The following EYS variants were observed in gnomAD, a reference collection of about 807,000 sequenced individuals.
EYS encodes the protein protein eyes shut homolog.
In EYS, 250 loss-of-function variants were observed where a neutral mutation model predicts 282.1. The ratio of observed to expected loss-of-function variants is 0.89; its 90% CI spans 0.80 to 0.98. The LOEUF is 0.98. Ranked by LOEUF, EYS falls within the 50% of genes least tolerant of loss-of-function variation. EYS has a pLI of 0.00. For synonymous variants in EYS, 1,355 were observed against 1,282.9 expected (o/e 1.06, Z -1.20); for missense variants, 4,016 against 3,709.0 (o/e 1.08, Z -2.15).
chr6:64,792,493 C>A (rs1402906090), intron 22 of EYS, among the ~76,000 whole-genome samples: 1 of 151,792 alleles, frequency 6.6e-6, no homozygotes, highest in Non-Finnish European at 1.5e-5. Flanking sequence ...TAGTTGCTAC[C>A]TAAAGTTAAG....
At chr6:64,449,666 A>G (rs1321471719) in intron 26 of EYS, among the ~76,000 whole-genome samples, 1 of 152,200 alleles carries the variant, frequency 6.6e-6, no homozygotes, top group African/African-American at 2.4e-5. Flanking sequence ...TCTCCACAGA[A>G]ACTCTACAAG....
intron 29 of EYS, among the ~76,000 whole-genome samples, chr6:64,346,792 C>T (rs561056583): frequency 1.3e-5 from 2 of 151,308 alleles, no homozygotes; most frequent in South Asian, 4.2e-4. Flanking sequence ...TGGAGACTTC[C>T]GTTGATTGTA....
At chr6:64,728,501 A>T (rs1771839688) in intron 22 of EYS, among the ~76,000 whole-genome samples, 1 of 151,750 alleles carries the variant, frequency 6.6e-6, no homozygotes, top group African/African-American at 2.4e-5. Flanking sequence ...TGCCTGACTA[A>T]TTTTTTTGTA....
At chr6:64,191,476 T>TCCCCCCCCC (rs542212151) in intron 31 of EYS, among the ~76,000 whole-genome samples, 1 of 139,158 alleles carries the variant, frequency 7.2e-6, no homozygotes. Flanking sequence ...GTGCTATCCC[T>TCCCCCCCCC]TCCCCCCCCA....
At chr6:65,642,565 T>C (rs564145571) in intron 1 of EYS, among the ~76,000 whole-genome samples, 2 of 152,220 alleles carry the variant, frequency 1.3e-5, no homozygotes, top group African/African-American at 2.4e-5. Flanking sequence ...CCCAAAGGTG[T>C]ATTTATTAGG....
chr6:63,884,650 A>C (rs1049692434), intron 35 of EYS, among the ~76,000 whole-genome samples: 1 of 152,178 alleles, frequency 6.6e-6, no homozygotes, highest in Non-Finnish European at 1.5e-5. Flanking sequence ...AGACCTCTTT[A>C]GTGTCAAATT....
At chr6:64,004,211 T>G (rs561543829) in intron 33 of EYS, among the ~76,000 whole-genome samples, 1 of 152,308 alleles carries the variant, frequency 6.6e-6, no homozygotes, top group Admixed American at 6.5e-5. Context: ...TCTTCAACTG[T>G]TTTTAGACTA....
intron 2 of EYS, among the ~76,000 whole-genome samples, chr6:65,512,328 T>A (rs1408742074): frequency 6.6e-6 from 1 of 151,452 alleles, no homozygotes; most frequent in African/African-American, 2.4e-5. Flanking sequence ...CCATTTCTAC[T>A]AAAAATACAA....
intron 29 of EYS, among the ~76,000 whole-genome samples, chr6:64,333,679 T>C (rs1205354760): frequency 6.6e-6 from 1 of 152,164 alleles, no homozygotes; most frequent in Non-Finnish European, 1.5e-5. Context: ...GGTATTCCTC[T>C]GGTCATCACG....
intron 2 of EYS, among the ~76,000 whole-genome samples, chr6:65,590,992 C>A (rs988916819): frequency 6.6e-6 from 1 of 151,854 alleles, no homozygotes; most frequent in Non-Finnish European, 1.5e-5. Context: ...AATATATACC[C>A]AGTGCTGGGA....
chr6:63,789,363 G>A (rs1770450677), intron 37 of EYS, 139 bp from the exon 38 acceptor site: 5 of 792,402 alleles, frequency 6.3e-6, no homozygotes, highest in African/African-American at 1.7e-5. Context: ...TCAGCATTTA[G>A]GTATATGTGC....
At chr6:64,348,584 C>T (rs1321592031) in intron 29 of EYS, among the ~76,000 whole-genome samples, 4 of 151,572 alleles carry the variant, frequency 2.6e-5, no homozygotes, top group Admixed American at 6.6e-5. Context: ...ACAACTCTAA[C>T]TGAGCAATTA....
intron 11 of EYS, among the ~76,000 whole-genome samples, chr6:65,317,752 G>C (rs1302269884): frequency 6.6e-6 from 1 of 151,480 alleles, no homozygotes; most frequent in African/African-American, 2.4e-5. Context: ...TTCCTTGCTA[G>C]CTCTTGGCTG....
chr6:65,490,356 G>A, intron 5 of EYS: 1 of 338,320 alleles, frequency 3.0e-6, no homozygotes, highest in Non-Finnish European at 5.5e-6. Context: ...ATTTTATGGT[G>A]AAAAGCATGT....
intron 19 of EYS, among the ~76,000 whole-genome samples, chr6:64,862,450 T>C (rs1364499449): frequency 6.6e-6 from 1 of 152,168 alleles, no homozygotes; most frequent in African/African-American, 2.4e-5. Context: ...ATTTTTGATA[T>C]TGCTCAATAT....
At chr6:65,610,988 T>G (rs1374026481) in intron 2 of EYS, among the ~76,000 whole-genome samples, 2 of 152,060 alleles carry the variant, frequency 1.3e-5, no homozygotes, top group East Asian at 1.9e-4. Context: ...CGATTACAAT[T>G]ATCTTTCAGG....
intron 31 of EYS, among the ~76,000 whole-genome samples, chr6:64,170,084 G>C (rs1029600199): frequency 6.6e-6 from 1 of 152,132 alleles, no homozygotes; most frequent in Non-Finnish European, 1.5e-5. Context: ...AATGCGAACA[G>C]CTGGGAGAGA....
chr6:63,887,314 GTT>G (rs35622877), intron 35 of EYS, among the ~76,000 whole-genome samples: 1,259 of 120,200 alleles, frequency 0.01, 14 homozygotes, highest in African/African-American at 0.039. Context: ...AATAAAAGGT[GTT>G]TTTTTTTTTT....
At chr6:63,824,706 C>T (rs553732791) in intron 36 of EYS, among the ~76,000 whole-genome samples, 23 of 152,154 alleles carry the variant, frequency 1.5e-4, no homozygotes, top group Non-Finnish European at 2.5e-4. Flanking sequence ...GTTAGAGAGC[C>T]GAGCCAAGTG....
Sources: gnomAD v4.1 joint callset for allele counts (sites outside exome capture counted in the v4.1 genomes callset) on GRCh38, gnomAD v4.1.1 for gene constraint, MANE v1.5 for transcripts, NCBI Gene and HGNC (gene_info 2026-07-23, HGNC 2026-07-21) for gene names.